Variants in NBPF8 observed in about 807,000 individuals in gnomAD.
NBPF8 encodes the protein NBPF member 8.
chr1:120,466,567 T>C (rs1661757270), exon 25 of NBPF8: 1 of 293,372 alleles, frequency 3.4e-6, no homozygotes, highest in Non-Finnish European at 6.5e-6. Context: ...AAGGTCATTG[T>C]CATCTTTGTG....
intron 11 of NBPF8, among the ~76,000 whole-genome samples, 192 bp downstream of exon 9, chr1:120,449,594 T>A (rs1473419354): frequency 2.0e-5 from 3 of 152,076 alleles, no homozygotes; most frequent in African/African-American, 7.3e-5. Context: ...TTTCCATGTT[T>A]TCAATCAGGT....
rs1446756777 is a variant in NBPF8, at chr1:120,422,543, G to A, written n.269+2425G>A. 5.3e-3 allele frequency among the ~76,000 whole-genome samples: 614 copies of A among 115,674 alleles called. 22 individuals carry two copies. Among genetic ancestry groups the A allele is most frequent in the African/African-American group, 0.022 (485 of 21,690 alleles). The allele number at this position is 115,674 out of a possible 152,430, so 75.9% of individuals were successfully genotyped here. A position where few individuals can be genotyped will look rare whatever the true frequency, so the allele number is the denominator to read the frequency against. On this transcript the variant is annotated intron_variant and non_coding_transcript_variant, in intron 1 of 28. Transcript: ENST00000652355. ...ATTGTGTACTTTTAAGTTCCTCCACGTCTTTTCATGACTTGACAGCTTGTT... is the reference window on the plus strand; with the variant it reads ...ATTGTGTACTTTTAAGTTCCTCCACATCTTTTCATGACTTGACAGCTTGTT...
At chr1:120,420,871 C>T (rs1371917553) in intron 1 of NBPF8, among the ~76,000 whole-genome samples, 32 of 148,014 alleles carry the variant, frequency 2.2e-4, no homozygotes, top group African/African-American at 7.9e-4. Context: ...CCCACCACTG[C>T]AGGCATTGAG....
chr1:120,423,454 A>T (rs1660625073), intron 1 of NBPF8, among the ~76,000 whole-genome samples: 1 of 106,302 alleles, frequency 9.4e-6, no homozygotes, highest in South Asian at 2.5e-4. Flanking sequence ...TGGGCTCCGT[A>T]TTCTTTTCTA....
intron 11 of NBPF8, among the ~76,000 whole-genome samples, chr1:120,450,205 C>T (rs1553248603): frequency 0.011 from 1,680 of 151,832 alleles, 34 homozygotes; most frequent in African/African-American, 0.039. Flanking sequence ...CCAGCCTGGG[C>T]GACAGGGCAA....
chr1:120,422,944 G>A (rs1660614506), intron 1 of NBPF8, among the ~76,000 whole-genome samples: 1 of 83,426 alleles, frequency 1.2e-5, no homozygotes, highest in Non-Finnish European at 2.2e-5. Context: ...TTAATGAGGT[G>A]TTCAGATCTT....
At chr1:120,456,688 G>A (rs1661445261) in intron 16 of NBPF8, among the ~76,000 whole-genome samples, 1 of 142,592 alleles carries the variant, frequency 7.0e-6, no homozygotes, top group South Asian at 2.2e-4. Flanking sequence ...CCTGAGTACA[G>A]CACACTGATG....
chr1:120,428,916 G>C (rs1660793520), intron 3 of NBPF8, among the ~76,000 whole-genome samples: 1 of 151,544 alleles, frequency 6.6e-6, no homozygotes, highest in African/African-American at 2.4e-5. Context: ...TTTACACTGA[G>C]CTGTCTTTTC....
upstream of NBPF8, among the ~76,000 whole-genome samples, chr1:120,419,301 G>T (rs1188957048): frequency 1.3e-5 from 2 of 152,188 alleles, no homozygotes; most frequent in Non-Finnish European, 1.5e-5. Context: ...CAGCGAGACA[G>T]CCTGTAGAAT....
intron 11 of NBPF8, among the ~76,000 whole-genome samples, chr1:120,450,339 A>G (rs1661230775): frequency 6.6e-6 from 1 of 151,970 alleles, no homozygotes; most frequent in Admixed American, 6.5e-5. Flanking sequence ...AGAGGAAGAA[A>G]GATCCCACCC....
downstream of NBPF8, among the ~76,000 whole-genome samples, chr1:120,467,976 G>C (rs1661790609): frequency 1.4e-5 from 2 of 147,084 alleles, no homozygotes; most frequent in South Asian, 4.4e-4. Context: ...GTGTGTGTCT[G>C]TGTGTGCCTT....
chr1:120,450,746 G>C (rs1419530962), intron 11 of NBPF8, among the ~76,000 whole-genome samples: 2 of 152,210 alleles, frequency 1.3e-5, no homozygotes, highest in Admixed American at 6.5e-5. Context: ...TCGCATACTT[G>C]TCCTTGAAAT....
intron 12 of NBPF8, among the ~76,000 whole-genome samples, chr1:120,451,707 T>C (rs1322557870): frequency 1.3e-5 from 2 of 148,892 alleles, no homozygotes; most frequent in African/African-American, 2.5e-5. Flanking sequence ...TCTTCTTTCG[T>C]CTTTTCAATT....
chr1:120,425,283 T>C (rs1660691225), intron 1 of NBPF8, among the ~76,000 whole-genome samples: 1 of 151,954 alleles, frequency 6.6e-6, no homozygotes, highest in African/African-American at 2.4e-5. Flanking sequence ...AATGTCTCGG[T>C]GTAAAGCCCG....
chr1:120,454,355 G>A (rs1661374740), intron 15 of NBPF8, among the ~76,000 whole-genome samples: 1 of 152,198 alleles, frequency 6.6e-6, no homozygotes, highest in Non-Finnish European at 1.5e-5. Flanking sequence ...AGTGCAGGAG[G>A]TGCACAGGCA....
chr1:120,465,870 G>C (rs1200684548), intron 24 of NBPF8, 108 bp from the exon 23 acceptor site: 2 of 1,594,056 alleles, frequency 1.3e-6, no homozygotes, highest in Non-Finnish European at 1.7e-6. Flanking sequence ...TAATGGATCT[G>C]TCCTTTTTCT....
upstream of NBPF8, among the ~76,000 whole-genome samples, chr1:120,431,690 G>T (rs1481193431): frequency 6.6e-6 from 1 of 151,282 alleles, no homozygotes; most frequent in African/African-American, 2.4e-5. Context: ...ATGAAAAATG[G>T]TATGGCTCCT....
At chr1:120,427,983 G>A (rs1266681293) in intron 3 of NBPF8, among the ~76,000 whole-genome samples, 136 bp downstream of exon 3, 1 of 152,154 alleles carries the variant, frequency 6.6e-6, no homozygotes, top group Non-Finnish European at 1.5e-5. Flanking sequence ...TTTAAATGAT[G>A]ATGTCCCTTG....
chr1:120,450,499 G>T (rs1159715097), intron 11 of NBPF8, among the ~76,000 whole-genome samples: 1 of 152,070 alleles, frequency 6.6e-6, no homozygotes, highest in South Asian at 2.1e-4. Flanking sequence ...GTAAATTGCT[G>T]CAGTGAATTA....
Sources: gnomAD v4.1 joint callset for allele counts (sites outside exome capture counted in the v4.1 genomes callset) on GRCh38, gnomAD v4.1.1 for gene constraint, MANE v1.5 for transcripts, NCBI Gene and HGNC (gene_info 2026-07-23, HGNC 2026-07-21) for gene names.